Variants in FBXO16 observed in about 807,000 individuals in gnomAD.
The protein encoded by FBXO16 is F-box protein 16, also known as F-box only protein 16.
In FBXO16, 31 loss-of-function variants were observed where a neutral mutation model predicts 41.0. The ratio of observed to expected loss-of-function variants is 0.76; its 90% CI spans 0.57 to 1.02. The LOEUF (loss-of-function observed/expected upper bound fraction) is 1.02, where lower values mean the gene tolerates loss of function less well. Ranked by LOEUF, FBXO16 falls within the 50% of genes least tolerant of loss-of-function variation. FBXO16 has a pLI of 0.00. For synonymous variants in FBXO16, 133 were observed against 117.8 expected, an observed-to-expected ratio of 1.13 and a Z score of -0.84; for missense variants, 361 against 346.2, an observed-to-expected ratio of 1.04 and a Z score of -0.34.
At chr8:28,429,458 C>A in intron 7 of FBXO16, 55 bp from the exon 8 acceptor site, 4 of 1,604,168 alleles carry the variant, frequency 2.5e-6, no homozygotes, top group South Asian at 2.2e-5. Flanking sequence ...AAGAAATAAT[C>A]CGAGCTGAGC....
At chr8:28,429,856 G>A (rs545822151) in intron 7 of FBXO16, among the ~76,000 whole-genome samples, 1 of 152,238 alleles carries the variant, frequency 6.6e-6, no homozygotes, top group East Asian at 1.9e-4. Flanking sequence ...CAGTCCTCCC[G>A]TAAGTCTAAC....
In FBXO16 at chr8:28,463,811, T is replaced by C; in HGVS notation, c.143A>G (p.Lys48Arg). The C allele has an allele frequency of 1.2e-6, 2 of 1,613,548 alleles. No individual in the cohort carries two copies. Among genetic ancestry groups the C allele is most frequent in the Non-Finnish European group, 1.7e-6 (2 of 1,179,874 alleles). Residue 48 changes from lysine to arginine, a missense_variant, in exon 4 of 9, where the codon AAA (lysine) becomes AGA (arginine). By Grantham distance (26) the Lys-to-Arg change is conservative. Transcript: ENST00000380254. ...TCTTCTTCTTTGAGAGTCTGTCCAT[T>C]TGTCAAACTGGAAACACAAAACAAA... Reference protein sequence around the residue: ...RRALLGKWFDKWTDSQRRRIL... With the variant: ...RRALLGKWFDRWTDSQRRRIL...
At chr8:28,441,910 ATG>A (rs1175392833) in intron 7 of FBXO16, among the ~76,000 whole-genome samples, 3,921 of 107,778 alleles carry the variant, frequency 0.036, 78 homozygotes, top group Non-Finnish European at 0.044. Flanking sequence ...GTATATATAT[ATG>A]TGTGTGTGTG....
chr8:28,461,880 T>C (rs1803139745), intron 4 of FBXO16, among the ~76,000 whole-genome samples: 1 of 152,120 alleles, frequency 6.6e-6, no homozygotes, highest in African/African-American at 2.4e-5. Flanking sequence ...TATCTGTCTT[T>C]TATCCTACTG....
At chr8:28,445,717 C>T (rs1341214770) in intron 7 of FBXO16, among the ~76,000 whole-genome samples, 2 of 152,188 alleles carry the variant, frequency 1.3e-5, no homozygotes, top group Non-Finnish European at 2.9e-5. Flanking sequence ...ATTCAGATGG[C>T]CCTGTTTAAA....
intron 1 of FBXO16, among the ~76,000 whole-genome samples, chr8:28,489,716 CA>C (rs1554529611): frequency 0.058 from 5,165 of 88,362 alleles, 149 homozygotes; most frequent in South Asian, 0.098. Context: ...CAAAAACCAA[CA>C]AAAAAAAAAA....
chr8:28,460,984 C>T (rs574770394), intron 4 of FBXO16, among the ~76,000 whole-genome samples: 1 of 152,292 alleles, frequency 6.6e-6, no homozygotes, highest in Non-Finnish European at 1.5e-5. Flanking sequence ...AATTGCCAGC[C>T]ATGGCCTCCC....
At chr8:28,432,326 T>C (rs1317877961) in intron 7 of FBXO16, among the ~76,000 whole-genome samples, 1 of 151,532 alleles carries the variant, frequency 6.6e-6, no homozygotes, top group Non-Finnish European at 1.5e-5. Context: ...ATACAAAAAT[T>C]AGCGGGGCGT....
In FBXO16 at chr8:28,480,157, TCTCTTTC is replaced by T. The variant is rs57481385; in HGVS notation, c.99+3184_99+3190del. ...CTGGTCCGTCTATTTTTTTTCTCAT[TCTCTTTC>T]CTCTTTCCTCATTTCCTTTATCATT... On this transcript the variant is annotated intron_variant, in intron 2 of 8. Transcript: ENST00000380254. Among the ~76,000 whole-genome samples, 647 of 152,274 alleles carry T rather than the reference TCTCTTTC, an allele frequency of 4.2e-3. 3 individuals are homozygous for T. Among genetic ancestry groups the T allele is most frequent in the African/African-American group, 0.015 (622 of 41,534 alleles).
intron 7 of FBXO16, among the ~76,000 whole-genome samples, chr8:28,435,590 G>A (rs73574614): frequency 1.3e-5 from 2 of 152,056 alleles, no homozygotes; most frequent in African/African-American, 2.4e-5. Context: ...ACGTGGCTGG[G>A]TCAGGGCTTT....
chr8:28,486,871 T>G lies in FBXO16; in HGVS notation c.-17+3315A>C, dbSNP rs1049052684. Among the ~76,000 whole-genome samples the G allele has an allele frequency of 1.3e-5, 2 of 152,004 alleles. 1 individual carries two copies. Among genetic ancestry groups the G allele is most frequent in the Non-Finnish European group, 2.9e-5 (2 of 67,942 alleles). On this transcript the variant is annotated intron_variant, in intron 1 of 8. Coordinates refer to ENST00000380254, the MANE Select transcript of FBXO16 (RefSeq NM_172366.4). ...AATAAAAACATAAAAATTAAATTCG[T>G]TGTTCTGAATCCTTTCTTAAGAGCT...
chr8:28,483,251 T>C, intron 2 of FBXO16, 97 bp downstream of exon 2: 1 of 1,159,450 alleles, frequency 8.6e-7, no homozygotes, highest in Non-Finnish European at 1.2e-6. Flanking sequence ...TTACACAATC[T>C]TAAATAATCC....
At chr8:28,487,510 C>T (rs1803621267) in intron 1 of FBXO16, among the ~76,000 whole-genome samples, 1 of 148,574 alleles carries the variant, frequency 6.7e-6, no homozygotes, top group Admixed American at 6.7e-5. Flanking sequence ...TCTGCTACCT[C>T]AGGCTCCCGA....
intron 3 of FBXO16, among the ~76,000 whole-genome samples, chr8:28,472,399 C>G (rs1803352535): frequency 6.6e-6 from 1 of 152,192 alleles, no homozygotes; most frequent in African/African-American, 2.4e-5. Context: ...TTGCACCTGA[C>G]CCATATCCAC....
intron 3 of FBXO16, among the ~76,000 whole-genome samples, chr8:28,473,369 A>G (rs1020694505): frequency 6.6e-6 from 1 of 152,188 alleles, no homozygotes; most frequent in Non-Finnish European, 1.5e-5. Context: ...CCCCAAATTC[A>G]TGTTGAAATC....
In FBXO16 at chr8:28,428,607, C is replaced by G. The variant is rs62001909; in HGVS notation, c.*120G>C. 36,100 of 1,551,394 alleles carry G rather than the reference C, an allele frequency of 0.023. 547 individuals are homozygous for G. The highest frequency in any genetic ancestry group is 0.042 in the Middle Eastern group (253 of 5,992). The stretch of plus-strand genomic sequence containing the variant: ...ACCTGGATGAGTCATGCTTGGGGCC[C>G]AGGGTGCCTGTGAGGATGCTGCATG... On this transcript the variant is annotated 3_prime_UTR_variant, in exon 9 of 9. Transcript: ENST00000380254.
At chr8:28,449,650 T>C (rs1802920814) in intron 6 of FBXO16, among the ~76,000 whole-genome samples, 1 of 151,822 alleles carries the variant, frequency 6.6e-6, no homozygotes, top group Admixed American at 6.6e-5. Context: ...CACTCCAACC[T>C]CTCAGCTCAG....
intron 6 of FBXO16, among the ~76,000 whole-genome samples, chr8:28,451,870 G>C (rs948807315): frequency 2.6e-5 from 4 of 151,926 alleles, no homozygotes; most frequent in African/African-American, 9.7e-5. Context: ...TGTAGCCCCA[G>C]CTACTTGGTA....
intron 8 of FBXO16, 142 bp from the exon 9 acceptor site, chr8:28,428,878 C>T: frequency 1.0e-6 from 1 of 957,156 alleles, no homozygotes; most frequent in Non-Finnish European, 1.5e-6. Context: ...CCCAACTTCA[C>T]TCCCCTCTGC....
Sources: allele counts gnomAD v4.1 joint callset (sites outside exome capture counted in the v4.1 genomes callset), GRCh38; gene constraint gnomAD v4.1.1; transcripts MANE v1.5; gene names NCBI Gene and HGNC (gene_info 2026-07-23, HGNC 2026-07-21).